The following APC2 variants were observed in gnomAD, a reference collection of about 807,000 sequenced individuals.
APC2 encodes the protein adenomatous polyposis coli protein 2.
APC2 carries 41 observed loss-of-function variants against 72.5 expected under a neutral mutation model. That is an observed-to-expected ratio of 0.57 (90% CI 0.44 to 0.73). The LOEUF (loss-of-function observed/expected upper bound fraction) is 0.73, where lower values mean the gene tolerates loss of function less well. Among genes scored for constraint, APC2 ranks in the 30% least tolerant of loss-of-function variants. The probability of loss-of-function intolerance (pLI) is 0.00; values close to 1 mark genes in which losing one functional copy is unlikely to be tolerated. For synonymous variants in APC2, 1,898 were observed against 1,612.0 expected, an observed-to-expected ratio of 1.18 and a Z score of -4.25; for missense variants, 3,729 against 3,403.4, an observed-to-expected ratio of 1.10 and a Z score of -2.38.
rs997855023 is a variant in APC2, at chr19:1,468,139, G to A, written c.4838G>A (p.Gly1613Glu). The A allele has an allele frequency of 4.0e-6, 6 of 1,492,404 alleles. No individual in the cohort carries two copies. In the African/African-American group the frequency reaches 4.4e-5, roughly 11 times the overall value. 92.4% of individuals were successfully genotyped at this position (1,492,404 alleles called of 1,614,324 possible). ...GCGGTCACCAAGGACCCGGGCCCAGGAGGCGGACGCGACAGCTCGCCCAGC... is the reference window on the plus strand; with the variant it reads ...GCGGTCACCAAGGACCCGGGCCCAGAAGGCGGACGCGACAGCTCGCCCAGC... ...EPAVTKDPGP[G>E]GGRDSSPSPR... Residue 1613 changes from glycine to glutamate, a missense_variant, in exon 15 of 15, where the codon GGA (glycine) becomes GAA (glutamate). Coordinates refer to ENST00000590469, the MANE Select transcript of APC2 (RefSeq NM_005883.3).
At position 1,467,230 on chromosome 19, in the gene APC2, G is replaced by A; in HGVS notation, c.3929G>A (p.Gly1310Asp). 2 of 1,370,302 alleles carry A rather than the reference G, an allele frequency of 1.5e-6. No homozygotes were observed. The highest frequency in any genetic ancestry group is 1.8e-5 in the South Asian group (1 of 54,272). The allele number at this position is 1,370,302 out of a possible 1,614,324, so 84.9% of individuals were successfully genotyped here. A position where few individuals can be genotyped will look rare whatever the true frequency, so the allele number is the denominator to read the frequency against. ...ACPERGGGAGGAGLHFAGHRR... is the reference protein window; with the variant it reads ...ACPERGGGAGDAGLHFAGHRR... Reference sequence around the variant, plus strand: ...CCCGAGCGCGGCGGGGGCGCCGGGGGCGCCGGCCTCCACTTTGCAGGGCAC... The same window carrying A: ...CCCGAGCGCGGCGGGGGCGCCGGGGACGCCGGCCTCCACTTTGCAGGGCAC... Residue 1310 changes from glycine to aspartate, a missense_variant, in exon 15 of 15, where the codon GGC becomes GAC. Transcript: ENST00000590469.
Position 1,468,815 on chromosome 19 carries a change from G to A in APC2, c.5514G>A (p.Gln1838=), listed in dbSNP as rs2145255368. ...CCAAAGTCCCGAGCCCCGGGCAGCAGCGGTCGCGGAGCCTACACCGGCCTG... is the reference window on the plus strand; with the variant it reads ...CCAAAGTCCCGAGCCCCGGGCAGCAACGGTCGCGGAGCCTACACCGGCCTG... ...APAKVPSPGQ[Q]RSRSLHRPAK... The change falls in exon 15 of 15, where the codon CAG becomes CAA. Residue 1838 remains glutamine (Q), a synonymous_variant. Coordinates refer to ENST00000590469, the MANE Select transcript of APC2 (RefSeq NM_005883.3). The A allele has an allele frequency of 6.5e-7, 1 of 1,540,546 alleles. No individual in the cohort carries two copies. Among genetic ancestry groups the A allele is most frequent in the Non-Finnish European group, 8.7e-7 (1 of 1,147,744 alleles).
chr19:1,457,530 T>G, intron 9 of APC2: 1 of 533,218 alleles, frequency 1.9e-6, no homozygotes. Flanking sequence ...TTTTTGCAGT[T>G]GATCGCAAAG....
In APC2 at chr19:1,467,053, G is replaced by A. The variant is rs767563955; in HGVS notation, c.3752G>A (p.Arg1251Gln). Residue 1251 changes from arginine to glutamine, a missense_variant, in exon 15 of 15, where the codon CGG becomes CAG. Transcript: ENST00000590469. ...LDIADCRERC[R>Q]LPSELDAGSV... Reference sequence around the variant, plus strand: ...ATCGCCGACTGCCGGGAGCGCTGCCGGCTGCCATCTGAGCTGGACGCAGGC... The same window carrying A: ...ATCGCCGACTGCCGGGAGCGCTGCCAGCTGCCATCTGAGCTGGACGCAGGC... 6 of 1,611,826 alleles carry A rather than the reference G, an allele frequency of 3.7e-6. No individual in the cohort carries two copies. Among genetic ancestry groups the A allele is most frequent in the South Asian group, 2.2e-5 (2 of 91,010 alleles).
Position 1,453,237 on chromosome 19 carries a change from G to T in APC2, c.142-10G>T, listed in dbSNP as rs367639985. 5.1e-6 allele frequency: 8 copies of T among 1,559,042 alleles called. No homozygotes were observed. The highest frequency in any genetic ancestry group is 6.9e-6 in the Non-Finnish European group (8 of 1,151,726). ...CTGATGGCTTCCCGCCCTCTTTCCC[G>T]CCCCTGCAGGAGGTCCTGAAGCACC... On this transcript the variant is annotated splice_polypyrimidine_tract_variant and intron_variant, in intron 2 of 14. Coordinates refer to ENST00000590469, the MANE Select transcript of APC2 (RefSeq NM_005883.3).
rs755298922 is a variant in APC2 at position 1,461,138 on chromosome 19, C to G, written c.1623C>G (p.Val541=). ...AGSVTALVQC[V]LRATKESTLK... ...GCGTGACTGCCCTGGTGCAGTGTGT[C>G]CTGCGGGCCACCAAGGTGGGCACCC... The change falls in exon 13 of 15, where the codon GTC becomes GTG. Residue 541 remains valine (V), a synonymous_variant. Coordinates refer to ENST00000590469, the MANE Select transcript of APC2 (RefSeq NM_005883.3). 1.5e-5 allele frequency: 24 copies of G among 1,611,174 alleles called. No individual in the cohort carries two copies. In the Admixed American group the frequency reaches 3.2e-4, roughly 21 times the overall value.
chr19:1,469,621 T>G lies in APC2; in HGVS notation c.6320T>G (p.Val2107Gly). ...KRYASLPHIS[V>G]ARRPDGAVPA... ...TACGCGTCGCTGCCGCACATCAGCGTGGCCCGCAGGCCCGACGGCGCCGTC... is the reference window on the plus strand; with the variant it reads ...TACGCGTCGCTGCCGCACATCAGCGGGGCCCGCAGGCCCGACGGCGCCGTC... The change falls in exon 15 of 15, where the codon GTG becomes GGG. Residue 2107 changes from valine to glycine, a missense_variant. Val to Gly is a moderately radical substitution (Grantham distance 109, BLOSUM62 -3). Coordinates refer to ENST00000590469, the MANE Select transcript of APC2 (RefSeq NM_005883.3). The G allele has an allele frequency of 1.6e-6, 2 of 1,247,270 alleles. No individual in the cohort carries two copies. The highest frequency in any genetic ancestry group is 2.0e-6 in the Non-Finnish European group (2 of 990,198). The allele number at this position is 1,247,270 out of a possible 1,614,324, so 77.3% of individuals were successfully genotyped here.
upstream of APC2, among the ~76,000 whole-genome samples, chr19:1,449,867 T>A (rs568751414): frequency 5.9e-5 from 9 of 151,684 alleles, no homozygotes; most frequent in African/African-American, 2.2e-4. Flanking sequence ...ACGCAGGAGG[T>A]TTTAAGAGGC....
chr19:1,449,563 C>T (rs941641687), upstream of APC2, among the ~76,000 whole-genome samples: 1 of 152,148 alleles, frequency 6.6e-6, no homozygotes, highest in Non-Finnish European at 1.5e-5. Context: ...GAGGATCTGA[C>T]GCTCCGTTGG....
At chr19:1,462,652 T>C (rs553106057) in intron 14 of APC2, among the ~76,000 whole-genome samples, 2 of 54,754 alleles carry the variant, frequency 3.7e-5, no homozygotes, top group South Asian at 6.2e-4. Context: ...CGAAACTTCA[T>C]CTCAAAAAAA....
chr19:1,459,128 G>A (rs887808789), intron 10 of APC2, among the ~76,000 whole-genome samples: 19 of 152,182 alleles, frequency 1.2e-4, no homozygotes, highest in African/African-American at 4.6e-4. Context: ...CACAGGATTT[G>A]TCATTTTATG....
Position 1,465,947 on chromosome 19 carries a change from G to A in APC2, c.2646G>A (p.Glu882=), listed in dbSNP as rs760040101. 7 of 1,579,726 alleles carry A rather than the reference G, an allele frequency of 4.4e-6. No individual in the cohort carries two copies. The highest frequency in any genetic ancestry group is 1.7e-4 in the Middle Eastern group (1 of 5,974). ...TCAGCTCTGGAGACCCGGGACAGGA[G>A]GCGCCACGGGAGGGCCGCGCCCAGT... ...FSLSSGDPGQ[E]APREGRAQSC... is the part of the protein sequence containing the mutation. The change falls in exon 15 of 15, where the codon GAG becomes GAA. Residue 882 remains glutamate (E), a synonymous_variant. Coordinates refer to ENST00000590469, the MANE Select transcript of APC2 (RefSeq NM_005883.3).
chr19:1,466,220 C>T lies in APC2; in HGVS notation c.2919C>T (p.Gly973=). 6.5e-7 allele frequency: 1 copy of T among 1,547,584 alleles called. No individual in the cohort carries two copies. Residue 973 remains glycine (G), a synonymous_variant, in exon 15 of 15, where the codon GGC becomes GGT. Transcript: ENST00000590469. The part of the protein sequence containing the change: ...RPSRLDLDLP[G]CQAEPPAREA... ...GCCGGCTTGACCTTGACCTGCCCGG[C>T]TGCCAGGCCGAGCCCCCGGCCCGCG...
intron 14 of APC2, 83 bp from the exon 15 acceptor site, chr19:1,465,072 A>T: frequency 6.8e-7 from 1 of 1,480,790 alleles, no homozygotes; most frequent in Non-Finnish European, 9.1e-7. Context: ...GTTTACTTTT[A>T]CCTGCCACAT....
rs1439759824 is a variant in APC2, at chr19:1,469,818, A to T, written c.6517A>T (p.Thr2173Ser). The T allele has an allele frequency of 1.3e-6, 2 of 1,517,568 alleles. No homozygotes were observed. The highest frequency in any genetic ancestry group is 1.8e-6 in the Non-Finnish European group (2 of 1,140,326). The allele number at this position is 1,517,568 out of a possible 1,614,324, so 94.0% of individuals were successfully genotyped here. A position where few individuals can be genotyped will look rare whatever the true frequency, so the allele number is the denominator to read the frequency against. ...CACGGCCCTGCCACTGCGGGGCTCC[A>T]CGCCCGAGGACGCCCCGGCCGGGCC... The part of the protein sequence containing the change: ...PATALPLRGS[T>S]PEDAPAGPPP... The change falls in exon 15 of 15, where the codon ACG becomes TCG. Residue 2173 changes from threonine to serine, a missense_variant. Thr to Ser is a moderately conservative substitution (Grantham distance 58). Coordinates refer to ENST00000590469, the MANE Select transcript of APC2 (RefSeq NM_005883.3).
At chr19:1,460,102 G>A (rs934877829) in intron 10 of APC2, 79 bp from the exon 11 acceptor site, 42 of 1,589,024 alleles carry the variant, frequency 2.6e-5, no homozygotes, top group Non-Finnish European at 3.3e-5. Context: ...GAGGGCCTCT[G>A]GGCAAGGGAG....
Position 1,468,319 on chromosome 19 carries a change from C to G in APC2, c.5018C>G (p.Ala1673Gly). ...EGSRERGEEA[A>G]GSDRASDLDS... ...TCCCGGGAACGCGGCGAGGAGGCAG[C>G]GGGCTCGGACCGGGCCTCCGACCTG... The change falls in exon 15 of 15, where the codon GCG (alanine) becomes GGG (glycine). Residue 1673 changes from alanine (A) to glycine (G), a missense_variant. Transcript: ENST00000590469. 6.5e-7 allele frequency: 1 copy of G among 1,549,232 alleles called. No individual in the cohort carries two copies. The highest frequency in any genetic ancestry group is 2.4e-5 in the East Asian group (1 of 40,962).
Position 1,462,187 on chromosome 19 carries a change from C to CA in APC2, c.1853+11dup. 6.5e-7 allele frequency: 1 copy of CA among 1,528,180 alleles called. No individual in the cohort carries two copies. The highest frequency in any genetic ancestry group is 8.8e-7 in the Non-Finnish European group (1 of 1,135,964). 94.7% of individuals were successfully genotyped at this position (1,528,180 alleles called of 1,614,324 possible). ...CCCGTGAGGACTACAGGTCGGCCCC[C>CA]ACCCCCCCACCCGCACACAGGCAGC... is the stretch of plus-strand genomic sequence containing the variant. On this transcript the variant is annotated intron_variant, in intron 14 of 14. Transcript: ENST00000590469.
Position 1,470,389 on chromosome 19 carries a change from G to A in APC2, c.*176G>A. On this transcript the variant is annotated 3_prime_UTR_variant, in exon 15 of 15. Coordinates refer to ENST00000590469, the MANE Select transcript of APC2 (RefSeq NM_005883.3). ...ACGGCGACCTCGCGCCTCACCGGAAGACCTTGCCTCTGTGCCGCGGAGGTC... is the reference window on the plus strand; with the variant it reads ...ACGGCGACCTCGCGCCTCACCGGAAAACCTTGCCTCTGTGCCGCGGAGGTC... The A allele has an allele frequency of 2.1e-6, 2 of 962,728 alleles. No homozygotes were observed. Among genetic ancestry groups the A allele is most frequent in the Non-Finnish European group, 1.5e-6 (1 of 686,938 alleles). 59.6% of individuals were successfully genotyped at this position (962,728 alleles called of 1,614,324 possible). A position where few individuals can be genotyped will look rare whatever the true frequency, so the allele number is the denominator to read the frequency against.
Sources: gnomAD v4.1 joint callset for allele counts (sites outside exome capture counted in the v4.1 genomes callset) on GRCh38, gnomAD v4.1.1 for gene constraint, MANE v1.5 for transcripts, NCBI Gene and HGNC (gene_info 2026-07-23, HGNC 2026-07-21) for gene names.